Variants in SCAPER observed in about 807,000 individuals in gnomAD.
The protein encoded by SCAPER is S-phase cyclin A associated protein in the ER.
SCAPER carries 98 observed loss-of-function variants against 182.2 expected under a neutral mutation model. The ratio of observed to expected loss-of-function variants is 0.54; its 90% CI spans 0.46 to 0.64. The LOEUF is 0.64. SCAPER is among the 30% of genes least tolerant of loss of function. SCAPER has a pLI of 0.00. For synonymous variants in SCAPER, 605 were observed against 564.6 expected (o/e 1.07, Z -1.01); for missense variants, 1,432 against 1,690.0 (o/e 0.85, Z 2.68).
intron 5 of SCAPER, among the ~76,000 whole-genome samples, chr15:76,814,983 T>G (rs1360010013): frequency 6.6e-6 from 1 of 151,234 alleles, no homozygotes; most frequent in East Asian, 1.9e-4. Flanking sequence ...AAAGAAAACA[T>G]AAAAATGGCT....
At chr15:76,376,396 C>T in intron 28 of SCAPER, 85 bp from the exon 29 acceptor site, 1 of 1,398,868 alleles carries the variant, frequency 7.1e-7, no homozygotes, top group South Asian at 1.5e-5. Context: ...GCCCTGTGTA[C>T]TTTCTGCCAT....
rs1279092098 is a variant in SCAPER, at chr15:76,859,185, G to A, written c.125-1306C>T. On this transcript the variant is annotated intron_variant, in intron 3 of 31. Coordinates refer to ENST00000563290, the MANE Select transcript of SCAPER (RefSeq NM_020843.4). ...GTATAACAGAATAATTTTCCTTTCTGCAAAGTAATTTTGGGGCCAGGTCCC... is the reference window on the plus strand; with the variant it reads ...GTATAACAGAATAATTTTCCTTTCTACAAAGTAATTTTGGGGCCAGGTCCC... Among the ~76,000 whole-genome samples, 3 of 152,138 alleles carry A rather than the reference G, an allele frequency of 2.0e-5. No homozygotes were observed. In the East Asian group the frequency reaches 5.8e-4, roughly 29 times the overall value.
chr15:76,350,980 G>A (rs1205349364), intron 31 of SCAPER: 2 of 350,698 alleles, frequency 5.7e-6, no homozygotes, highest in Non-Finnish European at 1.0e-5. Context: ...TATCTTGCAT[G>A]AGATGATTAT....
intron 27 of SCAPER, among the ~76,000 whole-genome samples, chr15:76,390,889 A>G (rs960465870): frequency 2.0e-5 from 3 of 152,168 alleles, no homozygotes; most frequent in African/African-American, 7.2e-5. Flanking sequence ...TTAAGATTCC[A>G]GTACCCTCCT....
At chr15:76,514,003 G>C (rs1689306735) in intron 23 of SCAPER, among the ~76,000 whole-genome samples, 2 of 152,136 alleles carry the variant, frequency 1.3e-5, no homozygotes, top group South Asian at 4.1e-4. Context: ...CCATGTAGTA[G>C]ACTGTAAAGC....
intron 24 of SCAPER, among the ~76,000 whole-genome samples, chr15:76,473,024 G>GC (rs941704140): frequency 7.9e-5 from 12 of 152,118 alleles, no homozygotes; most frequent in Non-Finnish European, 1.8e-4. Flanking sequence ...CTGAGATGGA[G>GC]CCCCCCAAAA....
At chr15:76,561,779 G>A (rs1040797713) in intron 23 of SCAPER, among the ~76,000 whole-genome samples, 1 of 150,624 alleles carries the variant, frequency 6.6e-6, no homozygotes, top group African/African-American at 2.4e-5. Context: ...GCTCAATCTC[G>A]GCTCACTGAA....
chr15:76,806,574 A>G (rs1304642411), intron 5 of SCAPER, among the ~76,000 whole-genome samples: 1 of 152,174 alleles, frequency 6.6e-6, no homozygotes, highest in Non-Finnish European at 1.5e-5. Flanking sequence ...TCTGCCAAAA[A>G]GGGGGAAGGG....
chr15:76,728,259 C>A (rs1019605999), intron 17 of SCAPER, among the ~76,000 whole-genome samples: 1 of 151,064 alleles, frequency 6.6e-6, no homozygotes, highest in Non-Finnish European at 1.5e-5. Flanking sequence ...CTCTTGTGAT[C>A]TAGACTTTCA....
intron 6 of SCAPER, among the ~76,000 whole-genome samples, chr15:76,804,286 C>T (rs765978235): frequency 7.9e-5 from 12 of 152,168 alleles, no homozygotes; most frequent in Non-Finnish European, 1.6e-4. Flanking sequence ...CTATAAATTC[C>T]ATGAGTGGTA....
chr15:76,817,213 G>T (rs1332777807), intron 5 of SCAPER, among the ~76,000 whole-genome samples: 15 of 152,262 alleles, frequency 9.9e-5, no homozygotes, highest in Middle Eastern at 3.4e-3. Flanking sequence ...GCACATGACT[G>T]TACAATGAAA....
chr15:76,376,108 C>T (rs964880219), intron 29 of SCAPER, 54 bp downstream of exon 29: 100 of 1,600,612 alleles, frequency 6.2e-5, no homozygotes, highest in Non-Finnish European at 7.3e-5. Flanking sequence ...ATTCCAATAC[C>T]TCACACTCTC....
At chr15:76,697,976 A>C (rs373808860) in intron 20 of SCAPER, among the ~76,000 whole-genome samples, 1 of 152,176 alleles carries the variant, frequency 6.6e-6, no homozygotes, top group East Asian at 1.9e-4. Flanking sequence ...TATCCTTTAC[A>C]ATGGGAATTA....
intron 22 of SCAPER, among the ~76,000 whole-genome samples, chr15:76,579,959 A>G (rs2048146455): frequency 6.6e-6 from 1 of 152,192 alleles, no homozygotes; most frequent in African/African-American, 2.4e-5. Context: ...GGGTCAATTC[A>G]GTAAAACAAT....
chr15:76,818,709 T>C (rs1325861089), intron 5 of SCAPER, among the ~76,000 whole-genome samples: 1 of 152,210 alleles, frequency 6.6e-6, no homozygotes, highest in Non-Finnish European at 1.5e-5. Context: ...GGTACCAGGT[T>C]CATCTCACTG....
At chr15:76,888,289 C>A (rs1210204120) in intron 1 of SCAPER, among the ~76,000 whole-genome samples, 2 of 152,200 alleles carry the variant, frequency 1.3e-5, no homozygotes, top group Non-Finnish European at 2.9e-5. Context: ...AGGATCGCAG[C>A]TCCTCACCAG....
chr15:76,566,864 G>C (rs1014609763), intron 23 of SCAPER, among the ~76,000 whole-genome samples: 2 of 151,846 alleles, frequency 1.3e-5, no homozygotes, highest in African/African-American at 4.8e-5. Context: ...AGAAAAGTCA[G>C]AAAAATTAGC....
At chr15:76,742,384 TAAAA>T (rs55961753) in intron 15 of SCAPER, among the ~76,000 whole-genome samples, 1 of 142,562 alleles carries the variant, frequency 7.0e-6, no homozygotes, top group African/African-American at 2.6e-5. Flanking sequence ...ATTTAACTGA[TAAAA>T]AAAAACAATT....
At position 76,627,709 on chromosome 15, in the gene SCAPER, T is replaced by A. The variant is rs986087620; in HGVS notation, c.2646-5880A>T. 3.9e-5 allele frequency among the ~76,000 whole-genome samples: 6 copies of A among 152,342 alleles called. No individual in the cohort carries two copies. The East Asian group carries it at 9.6e-4, about 24-fold the overall frequency. ...AGTTTATCGTTGATGGGCATTTGGG[T>A]TGATTCCATGTCTTTTTTATTGTGA... is the stretch of plus-strand genomic sequence containing the variant. On this transcript the variant is annotated intron_variant, in intron 21 of 31. Transcript: ENST00000563290.
Sources: allele counts gnomAD v4.1 joint callset (sites outside exome capture counted in the v4.1 genomes callset), GRCh38; gene constraint gnomAD v4.1.1; transcripts MANE v1.5; gene names NCBI Gene and HGNC (gene_info 2026-07-23, HGNC 2026-07-21).